DIP2C: variants seen among roughly 807,000 people sequenced by gnomAD.
The protein encoded by DIP2C is DIP2 acetate--CoA ligase C (putative), also known as disco-interacting protein 2 homolog C.
A neutral mutation model predicts 192.4 loss-of-function variants in DIP2C; 33 were observed. That is an observed-to-expected ratio of 0.17 (90% CI 0.13 to 0.23). The LOEUF is 0.23. DIP2C is among the 10% of genes least tolerant of loss of function. The probability of loss-of-function intolerance (pLI) is 1.00; values close to 1 mark genes in which losing one functional copy is unlikely to be tolerated. For synonymous variants in DIP2C, 979 were observed against 864.1 expected, an observed-to-expected ratio of 1.13 and a Z score of -2.33; for missense variants, 1,537 against 2,110.1, an observed-to-expected ratio of 0.73 and a Z score of 5.32.
At chr10:635,083 CAG>C (rs1854756939) in intron 1 of DIP2C, among the ~76,000 whole-genome samples, 1 of 152,190 alleles carries the variant, frequency 6.6e-6, no homozygotes, top group Non-Finnish European at 1.5e-5. Context: ...TACACAAGAA[CAG>C]AGAGAGGATT....
intron 1 of DIP2C, among the ~76,000 whole-genome samples, chr10:556,091 CCCT>C (rs1848845894): frequency 1.4e-5 from 2 of 139,078 alleles, no homozygotes; most frequent in Non-Finnish European, 1.5e-5. Flanking sequence ...CACCCACCCC[CCCT>C]TCCATAGCCG....
chr10:587,694 C>G (rs1834519945), intron 1 of DIP2C, among the ~76,000 whole-genome samples: 1 of 134,792 alleles, frequency 7.4e-6, no homozygotes, highest in Admixed American at 7.2e-5. Context: ...ACATCCACAC[C>G]AGGCACTGCC....
At chr10:477,985 AAG>A (rs900689601) in intron 2 of DIP2C, among the ~76,000 whole-genome samples, 1 of 69,718 alleles carries the variant, frequency 1.4e-5, no homozygotes, top group Non-Finnish European at 2.7e-5. Flanking sequence ...CAGAAAGTAG[AAG>A]AGAAGATAGA....
In DIP2C at chr10:434,259, C is replaced by T. The variant is rs532854657; in HGVS notation, c.394+6612G>A. Among the ~76,000 whole-genome samples the T allele has an allele frequency of 1.7e-4, 26 of 152,276 alleles. No homozygotes were observed. In the South Asian group the frequency reaches 5.4e-3, roughly 32 times the overall value. ...TATTAAGAAAAATAAAAGTTTTTCTCCTACCTTCACTGTTCCTTCTTTGAT... is the reference window on the plus strand; with the variant it reads ...TATTAAGAAAAATAAAAGTTTTTCTTCTACCTTCACTGTTCCTTCTTTGAT... On this transcript the variant is annotated intron_variant, in intron 4 of 36. Transcript: ENST00000280886.
intron 3 of DIP2C, among the ~76,000 whole-genome samples, chr10:471,863 C>T (rs2133441402): frequency 6.6e-6 from 1 of 152,264 alleles, no homozygotes; most frequent in Non-Finnish European, 1.5e-5. Flanking sequence ...AGCATTTCTC[C>T]TGCCTCAGCC....
intron 1 of DIP2C, among the ~76,000 whole-genome samples, chr10:545,197 A>G (rs985911744): frequency 8.8e-5 from 4 of 45,606 alleles, no homozygotes; most frequent in African/African-American, 4.9e-4. Flanking sequence ...TTTGAGTTTC[A>G]CTCTCTCTGT....
chr10:311,478 G>C, intron 31 of DIP2C: 1 of 1,224,222 alleles, frequency 8.2e-7, no homozygotes, highest in Non-Finnish European at 1.0e-6. Flanking sequence ...GCTGGATGCG[G>C]GCAAGGCAGC....
At position 658,930 on chromosome 10, in the gene DIP2C, T is replaced by C. The variant is rs1564316048; in HGVS notation, c.85+30564A>G. On this transcript the variant is annotated intron_variant, in intron 1 of 36. Coordinates refer to ENST00000280886, the MANE Select transcript of DIP2C (RefSeq NM_014974.3). ...TCCCAGAGAGGACTCACAAATCAAA[T>C]GTGCATATGCATGCATGCACAGACA... Among the ~76,000 whole-genome samples, 3 of 152,144 alleles carry C rather than the reference T, an allele frequency of 2.0e-5. No homozygotes were observed. The East Asian group carries it at 5.8e-4, about 29-fold the overall frequency.
At chr10:570,268 A>G (rs571572901) in intron 1 of DIP2C, among the ~76,000 whole-genome samples, 13 of 152,262 alleles carry the variant, frequency 8.5e-5, no homozygotes, top group Non-Finnish European at 1.9e-4. Context: ...TCACAGTGTC[A>G]CAAGGTGGAT....
rs536907347 is a variant in DIP2C, at chr10:533,178, G to A, written c.86-46648C>T. On this transcript the variant is annotated intron_variant, in intron 1 of 36. Coordinates refer to ENST00000280886, the MANE Select transcript of DIP2C (RefSeq NM_014974.3). ...GTGTCAGAACTGACCCTCCCTCGAC[G>A]AAGCCTAAGGTCAAATGCAGCAGCA... Among the ~76,000 whole-genome samples, 14 of 152,268 alleles carry A rather than the reference G, an allele frequency of 9.2e-5. No individual in the cohort carries two copies. In the South Asian group the frequency reaches 1.2e-3, roughly 14 times the overall value.
intron 32 of DIP2C, among the ~76,000 whole-genome samples, chr10:298,159 A>G (rs1002368034): frequency 1.3e-5 from 2 of 152,152 alleles, no homozygotes; most frequent in African/African-American, 2.4e-5. Context: ...AGGATTCCAC[A>G]TGACAATTGG....
chr10:301,645 G>C (rs910847380), intron 32 of DIP2C, among the ~76,000 whole-genome samples: 11 of 152,196 alleles, frequency 7.2e-5, no homozygotes, highest in Non-Finnish European at 1.3e-4. Context: ...AAAAAGGAGA[G>C]ACAAAAATAT....
chr10:445,624 AAGAGTCTATCTTGCACTGGGCATCT>A (rs1968118612), intron 3 of DIP2C, among the ~76,000 whole-genome samples: 2 of 113,318 alleles, frequency 1.8e-5, no homozygotes, highest in African/African-American at 1.7e-4. Flanking sequence ...AACTGTTGCG[AAGAGTCTATCTTGCACTGGGCATCT>A]GTATACATCT....
chr10:476,446 C>T (rs909747478), intron 2 of DIP2C, among the ~76,000 whole-genome samples: 1 of 152,214 alleles, frequency 6.6e-6, no homozygotes, highest in Admixed American at 6.5e-5. Context: ...CAGTAGCTAA[C>T]ACTGCAGCCC....
chr10:583,212 C>G (rs557582679), intron 1 of DIP2C, among the ~76,000 whole-genome samples: 1 of 151,880 alleles, frequency 6.6e-6, no homozygotes, highest in Non-Finnish European at 1.5e-5. Context: ...CATCTGCAAA[C>G]GCAGTTTTCT....
At chr10:676,324 C>A (rs1197382500) in intron 1 of DIP2C, among the ~76,000 whole-genome samples, 1 of 152,074 alleles carries the variant, frequency 6.6e-6, no homozygotes, top group African/African-American at 2.4e-5. Context: ...CGGGGAAACA[C>A]TAAGCTTTTT....
At position 486,517 on chromosome 10, in the gene DIP2C, T is replaced by G; in HGVS notation, c.99A>C (p.Gln33His). ...ELELSEGDIT[Q>H]KGYEKKRSKL... ...TTGACCTCTTCTTTTCATATCCTTT[T>G]TGTGTGATGTCACCTGCAAGAGAAG... Residue 33 changes from glutamine (Q) to histidine (H), a missense_variant, in exon 2 of 37, where the codon CAA (glutamine) becomes CAC (histidine). Coordinates refer to ENST00000280886, the MANE Select transcript of DIP2C (RefSeq NM_014974.3). 2 of 1,606,464 alleles carry G rather than the reference T, an allele frequency of 1.2e-6. No homozygotes were observed. The highest frequency in any genetic ancestry group is 1.7e-6 in the Non-Finnish European group (2 of 1,176,568).
chr10:479,993 C>T (rs897595315), intron 2 of DIP2C, among the ~76,000 whole-genome samples: 49 of 148,286 alleles, frequency 3.3e-4, no homozygotes, highest in Non-Finnish European at 6.7e-4. Flanking sequence ...CACCCGCCAG[C>T]CTGAGCTCCA....
At chr10:331,437 G>A (rs532284975) in intron 29 of DIP2C, among the ~76,000 whole-genome samples, 1 of 152,270 alleles carries the variant, frequency 6.6e-6, no homozygotes, top group East Asian at 1.9e-4. Flanking sequence ...AGCCCTCTGT[G>A]TCTGTGGGTT....
Sources: gnomAD v4.1 joint callset for allele counts (sites outside exome capture counted in the v4.1 genomes callset) on GRCh38, gnomAD v4.1.1 for gene constraint, MANE v1.5 for transcripts, NCBI Gene and HGNC (gene_info 2026-07-23, HGNC 2026-07-21) for gene names.